The following BICD1 variants were observed in gnomAD, a reference collection of about 807,000 sequenced individuals.
BICD1 encodes the protein protein bicaudal D homolog 1.
A neutral mutation model predicts 92.5 loss-of-function variants in BICD1; 35 were observed. The observed-to-expected ratio is 0.38, with a 90% confidence interval of 0.29 to 0.50. BICD1 has a LOEUF of 0.50. Among genes scored for constraint, BICD1 ranks in the 20% least tolerant of loss-of-function variants. BICD1 has a pLI of 0.93. For synonymous variants in BICD1, 429 were observed against 465.1 expected (o/e 0.92, Z 1.00); for missense variants, 950 against 1,189.8 (o/e 0.80, Z 2.97).
At chr12:32,270,027 C>G in intron 2 of BICD1, among the ~76,000 whole-genome samples, 1 of 151,058 alleles carries the variant, frequency 6.6e-6, no homozygotes, top group Non-Finnish European at 1.5e-5. Flanking sequence ...GAGGCCGAGG[C>G]AGGAGAATTG....
rs187921560 is a variant in BICD1, at chr12:32,158,180, G to A, written c.213+50636G>A. 1.6e-3 allele frequency among the ~76,000 whole-genome samples: 235 copies of A among 147,472 alleles called. 4 individuals carry two copies. The East Asian group carries it at 0.039, about 25-fold the overall frequency. On this transcript the variant is annotated intron_variant, in intron 1 of 9. Transcript: ENST00000652176. ...GAGTGCAGTGGTGCAATCTCAGCTC[G>A]CTGCAACCTCCGCCTCCCGGGTTCA...
At chr12:32,361,483 G>A (rs1232319997) in intron 8 of BICD1, among the ~76,000 whole-genome samples, 1 of 151,016 alleles carries the variant, frequency 6.6e-6, no homozygotes, top group African/African-American at 2.4e-5. Flanking sequence ...AACCTGGGAA[G>A]TGGAGTTTGC....
intron 2 of BICD1, among the ~76,000 whole-genome samples, chr12:32,292,280 C>T (rs1408247752): frequency 6.6e-6 from 1 of 152,134 alleles, no homozygotes; most frequent in Non-Finnish European, 1.5e-5. Flanking sequence ...TCCATGGTCA[C>T]GTGGCCATCT....
At chr12:32,293,004 A>G (rs561962398) in intron 2 of BICD1, among the ~76,000 whole-genome samples, 2 of 152,306 alleles carry the variant, frequency 1.3e-5, no homozygotes, top group East Asian at 3.9e-4. Flanking sequence ...AGTCCTGGTA[A>G]TACAAGCTTG....
In BICD1 at chr12:32,342,212, A is replaced by G. The variant is rs868586803; in HGVS notation, c.2764+3233A>G. 2.3e-3 allele frequency among the ~76,000 whole-genome samples: 317 copies of G among 136,392 alleles called. 2 individuals carry two copies. The highest frequency in any genetic ancestry group is 9.4e-3 in the African/African-American group (305 of 32,478). 89.5% of individuals were successfully genotyped at this position (136,392 alleles called of 152,430 possible). On this transcript the variant is annotated intron_variant, in intron 8 of 9. Coordinates refer to ENST00000652176, the MANE Select transcript of BICD1 (RefSeq NM_001714.4). ...TATATATGTGTGTGTGTGTATATAT[A>G]TATATATATATATATATATATGTAT...
At chr12:32,249,995 G>A (rs537551671) in intron 2 of BICD1, among the ~76,000 whole-genome samples, 36 of 151,610 alleles carry the variant, frequency 2.4e-4, no homozygotes, top group Non-Finnish European at 3.7e-4. Flanking sequence ...TGGGAAAGCT[G>A]TATGGTGGAG....
chr12:32,346,562 A>ATATATATATATATATATATGTGTG (rs1938594581), intron 8 of BICD1, among the ~76,000 whole-genome samples: 1 of 37,178 alleles, frequency 2.7e-5, no homozygotes, highest in Non-Finnish European at 4.1e-5. Flanking sequence ...ATATATATAT[A>ATATATATATATATATATATGTGTG]TATATATATA....
chr12:32,317,069 G>T (rs1470669842), intron 4 of BICD1, among the ~76,000 whole-genome samples: 1 of 152,134 alleles, frequency 6.6e-6, no homozygotes, highest in Non-Finnish European at 1.5e-5. Context: ...GTATTCCATG[G>T]TGTATATGTG....
At chr12:32,285,639 A>T (rs1408796194) in intron 2 of BICD1, among the ~76,000 whole-genome samples, 1 of 152,162 alleles carries the variant, frequency 6.6e-6, no homozygotes, top group South Asian at 2.1e-4. Flanking sequence ...GTGCAATGCA[A>T]ATAATGAGGT....
At chr12:32,287,050 G>C (rs11051906) in intron 2 of BICD1, among the ~76,000 whole-genome samples, 8,969 of 152,168 alleles carry the variant, frequency 0.059, 365 homozygotes, top group East Asian at 0.21. Context: ...AGGTTTCCCT[G>C]AGGAGATGAC....
chr12:32,234,349 G>A (rs1158266202), intron 2 of BICD1, among the ~76,000 whole-genome samples: 1 of 152,140 alleles, frequency 6.6e-6, no homozygotes, highest in Non-Finnish European at 1.5e-5. Flanking sequence ...TGTAATCCCA[G>A]CACTTTGGGA....
At chr12:32,347,499 A>G (rs560749491) in intron 8 of BICD1, among the ~76,000 whole-genome samples, 191 of 151,320 alleles carry the variant, frequency 1.3e-3, no homozygotes, top group Middle Eastern at 6.8e-3. Context: ...TTAGCTGGGC[A>G]TGGTGGTGCG....
At chr12:32,204,464 G>C (rs1231710301) in intron 1 of BICD1, among the ~76,000 whole-genome samples, 4 of 151,946 alleles carry the variant, frequency 2.6e-5, no homozygotes, top group African/African-American at 9.7e-5. Flanking sequence ...CACACTCTCC[G>C]GGGCGGCCAA....
At position 32,362,646 on chromosome 12, in the gene BICD1, T is replaced by C. The variant is rs542952317; in HGVS notation, c.2765-5024T>C. On this transcript the variant is annotated intron_variant, in intron 8 of 9. Coordinates refer to ENST00000652176, the MANE Select transcript of BICD1 (RefSeq NM_001714.4). Reference sequence around the variant, plus strand: ...GACCCTGATATTTTCTAGAGGTAGCTGGTGTCAATTTGAGAAGCATCCAGA... The same window carrying C: ...GACCCTGATATTTTCTAGAGGTAGCCGGTGTCAATTTGAGAAGCATCCAGA... 5.3e-5 allele frequency among the ~76,000 whole-genome samples: 8 copies of C among 152,316 alleles called. No individual in the cohort carries two copies. The East Asian group carries it at 1.5e-3, about 29-fold the overall frequency.
chr12:32,166,685 C>G (rs139602865), intron 1 of BICD1, among the ~76,000 whole-genome samples: 298 of 152,296 alleles, frequency 2.0e-3, no homozygotes, highest in Admixed American at 8.4e-3. Context: ...TAAGCCTCTA[C>G]CAAGCACAGT....
At chr12:32,347,674 C>A (rs532430073) in intron 8 of BICD1, among the ~76,000 whole-genome samples, 1 of 151,818 alleles carries the variant, frequency 6.6e-6, no homozygotes, top group African/African-American at 2.4e-5. Flanking sequence ...ACCTATATAC[C>A]CTTTTCATAC....
chr12:32,370,392 T>A (rs1592729111), intron 9 of BICD1, among the ~76,000 whole-genome samples: 1 of 152,122 alleles, frequency 6.6e-6, no homozygotes, highest in Non-Finnish European at 1.5e-5. Flanking sequence ...AATTATAGAT[T>A]TATCTCAATT....
rs556401815 is a variant in BICD1 at position 32,335,275 on chromosome 12, C to T, written c.2252+608C>T. On this transcript the variant is annotated intron_variant, in intron 6 of 9. Transcript: ENST00000652176. ...TAGCGATTCTCCTGCCTCACCCTCC[C>T]GAGTAGCTGGGAATACAGGCACCTG... Among the ~76,000 whole-genome samples the T allele has an allele frequency of 2.0e-5, 3 of 152,096 alleles. No individual in the cohort carries two copies. The East Asian group carries it at 5.8e-4, about 29-fold the overall frequency.
chr12:32,148,427 C>T lies in BICD1; in HGVS notation c.213+40883C>T, dbSNP rs1031218707. Reference sequence around the variant, plus strand: ...TTCCCACTGTCCTTCTCTGACCTCTCGGCAGTTATACAATTCTTATTGTAA... The same window carrying T: ...TTCCCACTGTCCTTCTCTGACCTCTTGGCAGTTATACAATTCTTATTGTAA... On this transcript the variant is annotated intron_variant, in intron 1 of 9. Coordinates refer to ENST00000652176, the MANE Select transcript of BICD1 (RefSeq NM_001714.4). Among the ~76,000 whole-genome samples the T allele has an allele frequency of 3.3e-5, 5 of 152,280 alleles. No homozygotes were observed. In the East Asian group the frequency reaches 5.8e-4, roughly 18 times the overall value.
Sources: allele counts gnomAD v4.1 joint callset (sites outside exome capture counted in the v4.1 genomes callset), GRCh38; gene constraint gnomAD v4.1.1; transcripts MANE v1.5; gene names NCBI Gene and HGNC (gene_info 2026-07-23, HGNC 2026-07-21).